Variants in CDC42BPA observed in about 807,000 individuals in gnomAD.
The protein encoded by CDC42BPA is serine/threonine-protein kinase MRCK alpha.
In CDC42BPA, 80 loss-of-function variants were observed where a neutral mutation model predicts 223.5. That is an observed-to-expected ratio of 0.36 (90% CI 0.30 to 0.43). CDC42BPA has a LOEUF of 0.43. Among genes scored for constraint, CDC42BPA ranks in the 20% least tolerant of loss-of-function variants. The pLI, the probability that CDC42BPA is intolerant of heterozygous loss-of-function variation, is 1.00. For missense variants in CDC42BPA, 1,743 were observed against 2,099.9 expected, an observed-to-expected ratio of 0.83 and a Z score of 3.32; for synonymous variants, 694 against 718.6, an observed-to-expected ratio of 0.97 and a Z score of 0.55.
intron 35 of CDC42BPA, among the ~76,000 whole-genome samples, chr1:227,000,600 T>C (rs1329748808): frequency 6.6e-6 from 1 of 152,154 alleles, no homozygotes; most frequent in Non-Finnish European, 1.5e-5. Context: ...AACTCACCAC[T>C]CAATGCATGG....
chr1:227,285,978 T>C (rs572321769), intron 1 of CDC42BPA, among the ~76,000 whole-genome samples: 1 of 152,310 alleles, frequency 6.6e-6, no homozygotes, highest in East Asian at 1.9e-4. Flanking sequence ...TCTGTCCTCC[T>C]AAGCCTCTGA....
intron 8 of CDC42BPA, among the ~76,000 whole-genome samples, chr1:227,144,264 A>C (rs775824048): frequency 2.6e-5 from 4 of 152,192 alleles, no homozygotes; most frequent in Non-Finnish European, 5.9e-5. Flanking sequence ...CTGAATAAAA[A>C]TAAAAGCTCA....
intron 2 of CDC42BPA, among the ~76,000 whole-genome samples, chr1:227,251,897 T>C (rs1682077673): frequency 6.6e-6 from 1 of 152,072 alleles, no homozygotes; most frequent in Non-Finnish European, 1.5e-5. Flanking sequence ...TAAGAAAAAC[T>C]AGAAAATTTT....
Position 227,028,812 on chromosome 1 carries a change from A to G in CDC42BPA, c.4277T>C (p.Phe1426Ser). The change falls in exon 30 of 37, where the codon TTT becomes TCT. Residue 1426 changes from phenylalanine to serine, a missense_variant. Coordinates refer to ENST00000366766, the MANE Select transcript of CDC42BPA (RefSeq NM_001394014.1). ...MLHSNDHTLS[F>S]IAHQPMDAIC... ...AGCATCCATTGGTTGATGTGCAATAAATGATAGTGTATGGTCATTTGAATG... is the reference window on the plus strand; with the variant it reads ...AGCATCCATTGGTTGATGTGCAATAGATGATAGTGTATGGTCATTTGAATG... 1.2e-6 allele frequency: 2 copies of G among 1,614,160 alleles called. No individual in the cohort carries two copies.
chr1:227,027,861 A>C (rs551029049), intron 30 of CDC42BPA, among the ~76,000 whole-genome samples: 109 of 152,316 alleles, frequency 7.2e-4, no homozygotes, highest in African/African-American at 2.5e-3. Flanking sequence ...TCAAGCCTAT[A>C]ATCTCAGTGC....
At chr1:227,150,838 A>C (rs12741341) in intron 6 of CDC42BPA, among the ~76,000 whole-genome samples, 19,661 of 139,750 alleles carry the variant, frequency 0.14, 1,687 homozygotes, top group South Asian at 0.34. Flanking sequence ...TTTAAAAACC[A>C]CCCACTTTAC....
At chr1:227,011,957 G>A (rs1665303216) in intron 34 of CDC42BPA, among the ~76,000 whole-genome samples, 2 of 152,114 alleles carry the variant, frequency 1.3e-5, no homozygotes, top group Admixed American at 6.6e-5. Flanking sequence ...TGGAATTCAC[G>A]TTCCCATGAG....
At chr1:227,172,501 T>C (rs1666262338) in intron 5 of CDC42BPA, among the ~76,000 whole-genome samples, 1 of 152,098 alleles carries the variant, frequency 6.6e-6, no homozygotes, top group Admixed American at 6.6e-5. Context: ...AAAGAAAGAC[T>C]ACTATGAAAT....
chr1:227,236,235 G>A (rs1321315964), intron 2 of CDC42BPA, among the ~76,000 whole-genome samples: 2 of 152,158 alleles, frequency 1.3e-5, no homozygotes, highest in Non-Finnish European at 2.9e-5. Context: ...ATGACAGACT[G>A]ACCTCTAATC....
At chr1:227,232,797 G>A (rs1453917205) in intron 2 of CDC42BPA, among the ~76,000 whole-genome samples, 1 of 152,198 alleles carries the variant, frequency 6.6e-6, no homozygotes, top group Non-Finnish European at 1.5e-5. Flanking sequence ...GGGAAACCCG[G>A]CTGTATGAGG....
intron 2 of CDC42BPA, among the ~76,000 whole-genome samples, chr1:227,242,894 T>C (rs1202193253): frequency 2.0e-5 from 3 of 152,168 alleles, no homozygotes; most frequent in Non-Finnish European, 2.9e-5. Context: ...TGCAGCACTA[T>C]TCACAATAGC....
chr1:227,129,212 T>C lies in CDC42BPA; in HGVS notation c.1410A>G (p.Gln470=), dbSNP rs764714617. 1.9e-6 allele frequency: 3 copies of C among 1,592,002 alleles called. No individual in the cohort carries two copies. Among genetic ancestry groups the C allele is most frequent in the South Asian group, 1.2e-5 (1 of 86,708 alleles). The change falls in exon 11 of 37, where the codon CAA becomes CAG. Residue 470 remains glutamine, a synonymous_variant. Coordinates refer to ENST00000366766, the MANE Select transcript of CDC42BPA (RefSeq NM_001394014.1). ...CATCAACAGTTGAATACTGCAGAGCTTGGACAGTCTGTGTTGACTCTTTAA... is the reference window on the plus strand; with the variant it reads ...CATCAACAGTTGAATACTGCAGAGCCTGGACAGTCTGTGTTGACTCTTTAA... ...RKLQESTQTV[Q]ALQYSTVDGP...
chr1:227,290,954 G>A (rs1689588493), intron 1 of CDC42BPA, among the ~76,000 whole-genome samples: 1 of 152,136 alleles, frequency 6.6e-6, no homozygotes, highest in African/African-American at 2.4e-5. Context: ...AGGGGAGACT[G>A]TTTGTTGTCT....
At chr1:227,286,038 C>T (rs1276740630) in intron 1 of CDC42BPA, among the ~76,000 whole-genome samples, 1 of 152,154 alleles carries the variant, frequency 6.6e-6, no homozygotes, top group African/African-American at 2.4e-5. Flanking sequence ...GCCTTCAGGG[C>T]CTTTTTCCCA....
Position 227,145,752 on chromosome 1 carries a change from A to G in CDC42BPA, c.895-15T>C. The G allele has an allele frequency of 6.3e-7, 1 of 1,594,096 alleles. No homozygotes were observed. Among genetic ancestry groups the G allele is most frequent in the Non-Finnish European group, 8.6e-7 (1 of 1,169,158 alleles). On this transcript the variant is annotated splice_polypyrimidine_tract_variant and intron_variant, in intron 7 of 36. Coordinates refer to ENST00000366766, the MANE Select transcript of CDC42BPA (RefSeq NM_001394014.1). ...TGAAACCTCTCCTAAACAGAGAAAA[A>G]CAGAAACAAAATATAAATCAGTGTT...
chr1:227,147,439 T>C lies in CDC42BPA; in HGVS notation c.814A>G (p.Met272Val), dbSNP rs754167552. The change falls in exon 7 of 37, where the codon ATG (methionine) becomes GTG (valine). Residue 272 changes from methionine to valine, a missense_variant. By Grantham distance (21) the Met-to-Val change is conservative. Transcript: ENST00000366766. ...ECDWWSLGVC[M>V]YEMLYGETPF... ...GTTTCTCCGTAAAGCATTTCATACA[T>C]ACAGACCCCCAAAGACCACCAGTCA... The C allele has an allele frequency of 6.3e-5, 101 of 1,613,634 alleles. No individual in the cohort carries two copies. Among genetic ancestry groups the C allele is most frequent in the Middle Eastern group, 1.7e-4 (1 of 6,056 alleles).
At chr1:227,253,980 C>G in intron 2 of CDC42BPA, 84 bp downstream of exon 2, 1 of 785,446 alleles carries the variant, frequency 1.3e-6, no homozygotes, top group Non-Finnish European at 2.2e-6. Context: ...TAACAAGTAA[C>G]AATACTTGTT....
chr1:227,214,882 G>A (rs10916106), intron 2 of CDC42BPA, among the ~76,000 whole-genome samples: 30,801 of 152,026 alleles, frequency 0.2, 3,210 homozygotes, highest in Middle Eastern at 0.26. Flanking sequence ...GTAGAAGGAG[G>A]AGTGTGTTCT....
rs149399100 is a variant in CDC42BPA at position 227,160,793 on chromosome 1, A to C, written c.600-157T>G. The stretch of plus-strand genomic sequence containing the variant: ...TTTATTAATTCAAATCCTGGTTCTG[A>C]TTCATATTAAAACTTTCTCAAACAC... On this transcript the variant is annotated intron_variant, in intron 5 of 36. Transcript: ENST00000366766. 3.7e-3 allele frequency among the ~76,000 whole-genome samples: 564 copies of C among 152,298 alleles called. 3 individuals are homozygous for C. Among genetic ancestry groups the C allele is most frequent in the African/African-American group, 0.013 (545 of 41,564 alleles).
Sources: gnomAD v4.1 joint callset for allele counts (sites outside exome capture counted in the v4.1 genomes callset) on GRCh38, gnomAD v4.1.1 for gene constraint, MANE v1.5 for transcripts, NCBI Gene and HGNC (gene_info 2026-07-23, HGNC 2026-07-21) for gene names.